The following SEMA3A variants were observed in gnomAD, a reference collection of about 807,000 sequenced individuals.
SEMA3A encodes the protein semaphorin-3A.
Under a neutral mutation model 97.9 loss-of-function variants are expected in SEMA3A, and 29 were observed. That is an observed-to-expected ratio of 0.30 (90% CI 0.22 to 0.40). The LOEUF (loss-of-function observed/expected upper bound fraction) is 0.40. Among genes scored for constraint, SEMA3A ranks in the 10% least tolerant of loss-of-function variants. SEMA3A has a pLI of 1.00. For synonymous variants in SEMA3A, 321 were observed against 323.7 expected (o/e 0.99, Z 0.09); for missense variants, 763 against 951.3 (o/e 0.80, Z 2.60).
intron 1 of SEMA3A, among the ~76,000 whole-genome samples, chr7:84,485,252 G>C (rs1452249748): frequency 6.6e-6 from 1 of 152,030 alleles, no homozygotes; most frequent in Non-Finnish European, 1.5e-5. Context: ...ATATTTGGCC[G>C]CAGTATTGGA....
chr7:84,300,266 T>C (rs1229935938), intron 3 of SEMA3A, among the ~76,000 whole-genome samples: 1 of 151,906 alleles, frequency 6.6e-6, no homozygotes, highest in Non-Finnish European at 1.5e-5. Context: ...TTCATATATA[T>C]ACATTTCATA....
chr7:83,985,625 G>T, intron 12 of SEMA3A, 148 bp from the exon 13 acceptor site: 1 of 675,482 alleles, frequency 1.5e-6, no homozygotes, highest in Non-Finnish European at 2.7e-6. Context: ...GACACATAAA[G>T]AAACTGCATA....
At chr7:84,133,381 G>T (rs1796021899) in intron 2 of SEMA3A, among the ~76,000 whole-genome samples, 1 of 152,074 alleles carries the variant, frequency 6.6e-6, no homozygotes, top group African/African-American at 2.4e-5. Flanking sequence ...ATGTAAATCA[G>T]CTTTGAATTT....
intron 2 of SEMA3A, among the ~76,000 whole-genome samples, chr7:84,313,396 AT>A (rs1562898824): frequency 6.1e-4 from 72 of 117,898 alleles, no homozygotes; most frequent in African/African-American, 1.5e-3. Flanking sequence ...ATATATATAT[AT>A]ATATATATAA....
intron 14 of SEMA3A, among the ~76,000 whole-genome samples, chr7:83,980,608 A>AAAAAAAAAAACAAAAC (rs1215085077): frequency 1.1e-4 from 6 of 54,814 alleles, no homozygotes; most frequent in African/African-American, 4.0e-4. Flanking sequence ...CATCTCAAAA[A>AAAAAAAAAAACAAAAC]AAAAAAAAAA....
intron 4 of SEMA3A, among the ~76,000 whole-genome samples, chr7:84,085,047 G>A (rs1025726782): frequency 4.6e-5 from 7 of 151,076 alleles, no homozygotes; most frequent in Admixed American, 4.0e-4. Flanking sequence ...AATAAGGTAG[G>A]GATCTAATCA....
At chr7:84,414,069 TATA>T (rs565636984) in intron 1 of SEMA3A, among the ~76,000 whole-genome samples, 122 of 152,264 alleles carry the variant, frequency 8.0e-4, no homozygotes, top group African/African-American at 2.9e-3. Context: ...TTATTAATCT[TATA>T]ATAATATTTG....
intron 12 of SEMA3A, among the ~76,000 whole-genome samples, chr7:84,000,882 G>T (rs535823782): frequency 1.3e-5 from 2 of 152,000 alleles, no homozygotes; most frequent in African/African-American, 4.8e-5. Context: ...TGAAATTGTT[G>T]GGGTAAGACA....
chr7:84,217,405 T>A (rs1584136206), intron 3 of SEMA3A, among the ~76,000 whole-genome samples: 1 of 152,330 alleles, frequency 6.6e-6, no homozygotes, highest in African/African-American at 2.4e-5. Flanking sequence ...AAAGTCATTA[T>A]TTCTAAATTG....
At chr7:84,357,286 C>G (rs1205290996) in intron 2 of SEMA3A, among the ~76,000 whole-genome samples, 1 of 149,604 alleles carries the variant, frequency 6.7e-6, no homozygotes, top group Non-Finnish European at 1.5e-5. Flanking sequence ...CCGCCCCACC[C>G]CCCCTCCACC....
intron 1 of SEMA3A, among the ~76,000 whole-genome samples, chr7:84,434,621 A>G (rs1287967751): frequency 1.3e-5 from 2 of 152,194 alleles, no homozygotes; most frequent in Admixed American, 6.5e-5. Context: ...ACAAAATAGT[A>G]GCAAATCAAA....
chr7:84,220,362 G>A (rs1380971952), intron 3 of SEMA3A, among the ~76,000 whole-genome samples: 5 of 152,090 alleles, frequency 3.3e-5, no homozygotes, highest in African/African-American at 4.8e-5. Flanking sequence ...AGTCATCCAT[G>A]AGGATTGGAA....
chr7:84,406,145 C>A (rs984060466), intron 1 of SEMA3A, among the ~76,000 whole-genome samples: 8 of 152,032 alleles, frequency 5.3e-5, no homozygotes, highest in Admixed American at 1.3e-4. Flanking sequence ...AATTGATAGA[C>A]CACTAGCAAG....
Position 84,002,121 on chromosome 7 carries a change from G to A in SEMA3A, c.1361-75C>T, listed in dbSNP as rs1790479617. 6 of 814,692 alleles carry A rather than the reference G, an allele frequency of 7.4e-6. No individual in the cohort carries two copies. In the South Asian group the frequency reaches 8.6e-5, roughly 12 times the overall value. 50.5% of individuals were successfully genotyped at this position (814,692 alleles called of 1,614,324 possible). On this transcript the variant is annotated intron_variant, in intron 11 of 16. Transcript: ENST00000265362. ...AGATTAGTGTTAATGAATGAAATAT[G>A]TATTTGTCAGACAAAGAACCTTTGA...
chr7:84,083,989 T>C (rs1794247070), intron 4 of SEMA3A, among the ~76,000 whole-genome samples: 1 of 152,044 alleles, frequency 6.6e-6, no homozygotes, highest in Admixed American at 6.6e-5. Context: ...CACTACTAAT[T>C]ATATTATGTT....
At chr7:84,356,459 A>G (rs532889997) in intron 2 of SEMA3A, among the ~76,000 whole-genome samples, 1 of 151,678 alleles carries the variant, frequency 6.6e-6, no homozygotes, top group South Asian at 2.1e-4. Context: ...AATGGTGTGG[A>G]CCTTACAAGT....
At position 84,049,913 on chromosome 7, in the gene SEMA3A, G is replaced by A. The variant is rs1220801857; in HGVS notation, c.548-3470C>T. The stretch of plus-strand genomic sequence containing the variant: ...CAGAGTGTGATGTTCCCCTTCATGT[G>A]TCCATGTGATCTCATTGTTCAATTC... On this transcript the variant is annotated intron_variant, in intron 5 of 16. Coordinates refer to ENST00000265362, the MANE Select transcript of SEMA3A (RefSeq NM_006080.3). Among the ~76,000 whole-genome samples, 3 of 134,802 alleles carry A rather than the reference G, an allele frequency of 2.2e-5. 1 individual carries two copies. The highest frequency in any genetic ancestry group is 4.5e-4 in the East Asian group (2 of 4,454). 88.4% of individuals were successfully genotyped at this position (134,802 alleles called of 152,430 possible). A position where few individuals can be genotyped will look rare whatever the true frequency, so the allele number is the denominator to read the frequency against.
intron 1 of SEMA3A, among the ~76,000 whole-genome samples, chr7:84,469,091 C>T (rs748623757): frequency 2.0e-5 from 3 of 152,024 alleles, no homozygotes; most frequent in African/African-American, 7.2e-5. Context: ...AAGCATGCCA[C>T]GTGTTTTAAA....
Position 84,448,790 on chromosome 7 carries a change from A to G in SEMA3A, c.-246+43670T>C, listed in dbSNP as rs1035760818. 7.4e-4 allele frequency among the ~76,000 whole-genome samples: 111 copies of G among 149,806 alleles called. 1 individual carries two copies. The highest frequency in any genetic ancestry group is 2.4e-3 in the African/African-American group (97 of 40,880). On this transcript the variant is annotated intron_variant, in intron 1 of 3. Transcript: ENST00000424555. Reference sequence around the variant, plus strand: ...TGTTTGAAAATTCCATTTCCATAGAAAAAAAAAAAATCTAACATGTGCATG... The same window carrying G: ...TGTTTGAAAATTCCATTTCCATAGAGAAAAAAAAAATCTAACATGTGCATG...
Sources: allele counts gnomAD v4.1 joint callset (sites outside exome capture counted in the v4.1 genomes callset), GRCh38; gene constraint gnomAD v4.1.1; transcripts MANE v1.5; gene names NCBI Gene and HGNC (gene_info 2026-07-23, HGNC 2026-07-21).